Variants in DCLK3 observed in about 807,000 individuals in gnomAD.
DCLK3 encodes serine/threonine-protein kinase DCLK3.
A neutral mutation model predicts 46.4 loss-of-function variants in DCLK3; 30 were observed. The ratio of observed to expected loss-of-function variants is 0.65; its 90% CI spans 0.48 to 0.88. The LOEUF (loss-of-function observed/expected upper bound fraction) is 0.88, where lower values mean the gene tolerates loss of function less well. DCLK3 is among the 40% of genes least tolerant of loss of function. The probability of loss-of-function intolerance (pLI) is 0.00; values close to 1 mark genes in which losing one functional copy is unlikely to be tolerated. For missense variants in DCLK3, 846 were observed against 907.1 expected (o/e 0.93, Z 0.87); for synonymous variants, 401 against 339.2 (o/e 1.18, Z -2.00).
At chr3:36,728,263 C>T (rs145393119) in intron 2 of DCLK3, among the ~76,000 whole-genome samples, 219 of 152,282 alleles carry the variant, frequency 1.4e-3, no homozygotes, top group African/African-American at 5.0e-3. Context: ...ATCCCCAGCT[C>T]GCCTCTGGCT....
In DCLK3 at chr3:36,713,144, G is replaced by A. The variant is rs1700930649; in HGVS notation, c.*2184C>T. 1 of 152,190 alleles carries A rather than the reference G, an allele frequency of 6.6e-6. No individual in the cohort carries two copies. The highest frequency in any genetic ancestry group is 1.5e-5 in the Non-Finnish European group (1 of 68,034). The allele number at this position is 152,190 out of a possible 1,614,324, so 9.4% of individuals were successfully genotyped here. A position where few individuals can be genotyped will look rare whatever the true frequency, so the allele number is the denominator to read the frequency against. On this transcript the variant is annotated 3_prime_UTR_variant, in exon 5 of 5. Coordinates refer to ENST00000636136, the MANE Select transcript of DCLK3 (RefSeq NM_001394672.2). The stretch of plus-strand genomic sequence containing the variant: ...TTTAATTTTAGCTATTCTAATGGGT[G>A]TATAGTGATATTTCATTGTGATTTT...
rs535414691 is a variant in DCLK3, at chr3:36,747,597, C to T, written c.83-8513G>A. ...GTCTAGAGTCCTCTCTGGTGATTAACGGTTGTTCAGCCCTTCCTGTTACAA... is the reference window on the plus strand; with the variant it reads ...GTCTAGAGTCCTCTCTGGTGATTAATGGTTGTTCAGCCCTTCCTGTTACAA... On this transcript the variant is annotated intron_variant, in intron 1 of 4. Coordinates refer to ENST00000636136, the MANE Select transcript of DCLK3 (RefSeq NM_001394672.2). 3.3e-5 allele frequency among the ~76,000 whole-genome samples: 5 copies of T among 152,150 alleles called. No individual in the cohort carries two copies. The South Asian group carries it at 6.2e-4, about 19-fold the overall frequency.
chr3:36,755,668 A>G (rs1475741232), intron 1 of DCLK3, among the ~76,000 whole-genome samples: 2 of 152,044 alleles, frequency 1.3e-5, no homozygotes, highest in African/African-American at 2.4e-5. Context: ...GCAGATCCCA[A>G]GAGTTCTTAT....
intron 2 of DCLK3, among the ~76,000 whole-genome samples, chr3:36,727,214 C>T (rs928274052): frequency 1.6e-4 from 25 of 152,062 alleles, no homozygotes; most frequent in Non-Finnish European, 2.8e-4. Flanking sequence ...ACTTGAACCC[C>T]GGAGATGGAG....
Position 36,725,184 on chromosome 3 carries a change from C to T in DCLK3, c.1960-3525G>A, listed in dbSNP as rs527820293. ...AAAAATTAGCCAGCCTGATGGCGGG[C>T]GCCTGTAGTCCCAGCTACTCTGAAG... On this transcript the variant is annotated intron_variant, in intron 2 of 4. Transcript: ENST00000636136. Among the ~76,000 whole-genome samples the T allele has an allele frequency of 1.1e-4, 17 of 152,126 alleles. No individual in the cohort carries two copies. The East Asian group carries it at 3.1e-3, about 28-fold the overall frequency.
At chr3:36,727,937 T>C (rs1701144980) in intron 2 of DCLK3, among the ~76,000 whole-genome samples, 1 of 152,252 alleles carries the variant, frequency 6.6e-6, no homozygotes, top group Non-Finnish European at 1.5e-5. Flanking sequence ...TGAGTGATGT[T>C]GTCCTAGAAT....
intron 1 of DCLK3, among the ~76,000 whole-genome samples, chr3:36,748,025 C>T (rs1206601725): frequency 1.3e-5 from 2 of 152,168 alleles, no homozygotes; most frequent in Non-Finnish European, 2.9e-5. Flanking sequence ...ATCATAAAGC[C>T]CTTGGACTTG....
chr3:36,732,585 T>G (rs911055097), intron 2 of DCLK3, among the ~76,000 whole-genome samples: 4 of 152,226 alleles, frequency 2.6e-5, no homozygotes, highest in African/African-American at 9.6e-5. Context: ...CCTAAAGACT[T>G]GTGTCACTGT....
chr3:36,733,009 G>A (rs1259851875), intron 2 of DCLK3, among the ~76,000 whole-genome samples: 1 of 152,172 alleles, frequency 6.6e-6, no homozygotes, highest in Non-Finnish European at 1.5e-5. Flanking sequence ...TATCCTTCTG[G>A]ATTTTCCCTG....
chr3:36,726,620 C>A (rs1045946694), intron 2 of DCLK3, among the ~76,000 whole-genome samples: 8 of 152,144 alleles, frequency 5.3e-5, no homozygotes, highest in African/African-American at 1.9e-4. Context: ...AGAATAAATT[C>A]TCCCCACTTG....
At chr3:36,741,875 G>A (rs1701347973) in intron 1 of DCLK3, among the ~76,000 whole-genome samples, 1 of 152,170 alleles carries the variant, frequency 6.6e-6, no homozygotes, top group Non-Finnish European at 1.5e-5. Context: ...GCAGACCTGG[G>A]GAGCTAAATT....
At chr3:36,721,830 C>T (rs1361816710) in intron 2 of DCLK3, among the ~76,000 whole-genome samples, 171 bp from the exon 3 acceptor site, 1 of 152,218 alleles carries the variant, frequency 6.6e-6, no homozygotes, top group Non-Finnish European at 1.5e-5. Context: ...CAAGGGCTCA[C>T]ATTTTCAACT....
At position 36,737,997 on chromosome 3, in the gene DCLK3, C is replaced by T. The variant is rs752682808; in HGVS notation, c.1170G>A (p.Met390Ile). 1 of 1,614,190 alleles carries T rather than the reference C, an allele frequency of 6.2e-7. No homozygotes were observed. Among genetic ancestry groups the T allele is most frequent in the African/African-American group, 1.3e-5 (1 of 75,050 alleles). The change falls in exon 2 of 5, where the codon ATG becomes ATA. Residue 390 changes from methionine (M) to isoleucine (I), a missense_variant. Around this residue, in one of 3 missense-constraint regions of DCLK3, gnomAD observed 553 missense variants for 543.0 expected, o/e 1.02. Transcript: ENST00000636136. This position sits in a 1 kb window ranked among gnomAD's most constrained non-coding sequence, Gnocchi z 4.4. ...CTGGGCCTCTGTCCTCTTTCTTGTCCATGCTCTTGCTGGGTCTCCTCAGCT... is the reference window on the plus strand; with the variant it reads ...CTGGGCCTCTGTCCTCTTTCTTGTCTATGCTCTTGCTGGGTCTCCTCAGCT... ...TQELRRPSKS[M>I]DKKEDRGPED...
intron 1 of DCLK3, among the ~76,000 whole-genome samples, chr3:36,747,607 G>A (rs1308161672): frequency 6.6e-6 from 1 of 152,110 alleles, no homozygotes; most frequent in Admixed American, 6.5e-5. Context: ...CGGTTGTTCA[G>A]CCCTTCCTGT....
In DCLK3 at chr3:36,737,741, C is replaced by G. The variant is rs986041436; in HGVS notation, c.1426G>C (p.Gly476Arg). The change falls in exon 2 of 5, where the codon GGA (glycine) becomes CGA (arginine). Residue 476 changes from glycine (G) to arginine (R), a missense_variant. Gly to Arg is a moderately radical substitution (Grantham distance 125). Coordinates refer to ENST00000636136, the MANE Select transcript of DCLK3 (RefSeq NM_001394672.2). The surrounding 1 kb of genome is among the most constrained non-coding windows in gnomAD (Gnocchi z 4.4). ...TCTCTGAGAGTCATCCTTCTGCCTC[C>G]AGACATACATGGCTTTTTCTCCTTC... ...AEKEKKPCMS[G>R]GRRMTLRDDQ... The G allele has an allele frequency of 3.1e-6, 5 of 1,614,066 alleles. No homozygotes were observed. In the African/African-American group the frequency reaches 6.7e-5, roughly 22 times the overall value.
At chr3:36,728,212 A>G (rs151203866) in intron 2 of DCLK3, among the ~76,000 whole-genome samples, 1 of 152,328 alleles carries the variant, frequency 6.6e-6, no homozygotes, top group Non-Finnish European at 1.5e-5. Flanking sequence ...GTGATGCTGA[A>G]TAAGAACGCA....
At chr3:36,735,656 C>G (rs1701253040) in intron 2 of DCLK3, among the ~76,000 whole-genome samples, 1 of 152,194 alleles carries the variant, frequency 6.6e-6, no homozygotes, top group South Asian at 2.1e-4. Context: ...CAAAATATGG[C>G]CCATCAAAAT....
chr3:36,714,355 G>A lies in DCLK3; in HGVS notation c.*973C>T, dbSNP rs778778378. On this transcript the variant is annotated 3_prime_UTR_variant, in exon 5 of 5. Coordinates refer to ENST00000636136, the MANE Select transcript of DCLK3 (RefSeq NM_001394672.2). ...TCATAATCTAGGAAGGTCAATTTGG[G>A]AAATATTAGGATATGTCTTGCTGTC... The A allele has an allele frequency of 2.6e-5, 4 of 152,146 alleles. No individual in the cohort carries two copies. Among genetic ancestry groups the A allele is most frequent in the African/African-American group, 7.2e-5 (3 of 41,428 alleles). 9.4% of individuals were successfully genotyped at this position (152,146 alleles called of 1,614,324 possible).
intron 1 of DCLK3, among the ~76,000 whole-genome samples, chr3:36,743,893 C>T (rs1012932061): frequency 9.2e-5 from 14 of 152,152 alleles, no homozygotes; most frequent in African/African-American, 3.4e-4. Flanking sequence ...AAGCCTAAGA[C>T]CCATCTCTAC....
Sources: allele counts gnomAD v4.1 joint callset (sites outside exome capture counted in the v4.1 genomes callset), GRCh38; gene constraint gnomAD v4.1.1; regional missense constraint gnomAD v4.1.1; non-coding constraint Gnocchi (gnomAD v3.1); transcripts MANE v1.5; gene names NCBI Gene and HGNC (gene_info 2026-07-23, HGNC 2026-07-21).